TAFA2: variants seen among roughly 807,000 people sequenced by gnomAD.
TAFA2 encodes the protein TAFA chemokine like family member 2, also known as chemokine-like protein TAFA-2.
A neutral mutation model predicts 18.8 loss-of-function variants in TAFA2; 7 were observed. The observed-to-expected ratio is 0.37, with a 90% CI of 0.21 to 0.70. TAFA2 has a LOEUF of 0.70. TAFA2 is among the 30% of genes least tolerant of loss of function. TAFA2 has a pLI of 0.53. For missense variants in TAFA2, 122 were observed against 158.1 expected (o/e 0.77, Z 1.23); for synonymous variants, 60 against 54.2 (o/e 1.11, Z -0.47).
At chr12:62,258,806 C>T in exon 1 of TAFA2, 1 of 334,342 alleles carries the variant, frequency 3.0e-6, no homozygotes, top group South Asian at 2.1e-5. Flanking sequence ...CTGCAGCTTC[C>T]CTTCAGAAAA....
intron 1 of TAFA2, among the ~76,000 whole-genome samples, chr12:61,941,461 G>C (rs1009935135): frequency 6.6e-6 from 1 of 152,168 alleles, no homozygotes; most frequent in African/African-American, 2.4e-5. Context: ...CAAGATGGCC[G>C]AATAGGAACA....
intron 1 of TAFA2, among the ~76,000 whole-genome samples, chr12:62,074,249 A>G (rs1882704830): frequency 6.6e-6 from 1 of 152,248 alleles, no homozygotes; most frequent in East Asian, 1.9e-4. Flanking sequence ...TCCAGCCAGC[A>G]TGACTGCACA....
intron 1 of TAFA2, among the ~76,000 whole-genome samples, chr12:62,152,594 G>GTGTT (rs1015226806): frequency 6.6e-6 from 1 of 152,148 alleles, no homozygotes; most frequent in African/African-American, 2.4e-5. Context: ...TTAAAGATGT[G>GTGTT]TGTTATGCTA....
chr12:61,980,557 C>T (rs1879595972), intron 1 of TAFA2, among the ~76,000 whole-genome samples: 1 of 152,150 alleles, frequency 6.6e-6, no homozygotes, highest in African/African-American at 2.4e-5. Flanking sequence ...TTTAGAAAAA[C>T]CCATCGTCTC....
At chr12:61,975,994 G>A (rs1311376642) in intron 1 of TAFA2, among the ~76,000 whole-genome samples, 4 of 151,664 alleles carry the variant, frequency 2.6e-5, no homozygotes, top group Non-Finnish European at 4.4e-5. Context: ...ACATCACATG[G>A]TACACCTTAA....
At chr12:61,883,256 G>T (rs1284622498) in intron 1 of TAFA2, among the ~76,000 whole-genome samples, 1 of 152,102 alleles carries the variant, frequency 6.6e-6, no homozygotes, top group Admixed American at 6.6e-5. Flanking sequence ...ATAAAGAAAA[G>T]AATATAATGG....
chr12:61,794,883 G>GA (rs1465673033), intron 2 of TAFA2, among the ~76,000 whole-genome samples: 1 of 151,792 alleles, frequency 6.6e-6, no homozygotes, highest in South Asian at 2.1e-4. Flanking sequence ...ATATTTACAA[G>GA]AAAAAAACAA....
At chr12:61,978,024 C>T (rs1879499253) in intron 1 of TAFA2, among the ~76,000 whole-genome samples, 1 of 151,974 alleles carries the variant, frequency 6.6e-6, no homozygotes, top group Non-Finnish European at 1.5e-5. Flanking sequence ...ACAATAGTGA[C>T]CATGATGAAG....
At chr12:61,836,995 GT>G (rs914365305) in intron 2 of TAFA2, among the ~76,000 whole-genome samples, 22 of 151,236 alleles carry the variant, frequency 1.5e-4, no homozygotes, top group Non-Finnish European at 2.5e-4. Flanking sequence ...TATTTATAAT[GT>G]TTTTTAAGTG....
intron 1 of TAFA2, among the ~76,000 whole-genome samples, chr12:61,958,048 G>T (rs1878757752): frequency 6.6e-6 from 1 of 151,974 alleles, no homozygotes; most frequent in Non-Finnish European, 1.5e-5. Context: ...TAGCAACCTG[G>T]TGTGTTTCCT....
chr12:62,161,598 G>T (rs975265064), intron 1 of TAFA2, among the ~76,000 whole-genome samples: 1 of 152,164 alleles, frequency 6.6e-6, no homozygotes, highest in East Asian at 1.9e-4. Context: ...AATGGGTGCA[G>T]TGTAGGTTAT....
chr12:62,020,271 A>G (rs9668399), intron 1 of TAFA2, among the ~76,000 whole-genome samples: 53,719 of 151,928 alleles, frequency 0.35, 9,872 homozygotes, highest in Non-Finnish European at 0.39. Context: ...CCACACTAGT[A>G]TTATCATACC....
intron 2 of TAFA2, among the ~76,000 whole-genome samples, chr12:61,774,621 G>T (rs1179565857): frequency 6.6e-6 from 1 of 151,572 alleles, no homozygotes; most frequent in Non-Finnish European, 1.5e-5. Context: ...TAAGTTATGA[G>T]GACACAAGGG....
At chr12:62,203,705 C>CA (rs2062680997) in intron 1 of TAFA2, among the ~76,000 whole-genome samples, 1 of 152,152 alleles carries the variant, frequency 6.6e-6, no homozygotes, top group Non-Finnish European at 1.5e-5. Context: ...TCCTCCATCC[C>CA]TTTATTTTGA....
In TAFA2 at chr12:61,708,376, A is replaced by G. The variant is rs1869239430; in HGVS notation, c.*2030T>C. On this transcript the variant is annotated 3_prime_UTR_variant, in exon 5 of 5. Transcript: ENST00000416284. ...ATTTGAAATTCCATGTTTTTTTTCT[A>G]TTATATGCATGTATTACACTTGTAT... 6.6e-6 allele frequency: 1 copy of G among 152,018 alleles called. No homozygotes were observed. The highest frequency in any genetic ancestry group is 2.4e-5 in the African/African-American group (1 of 41,424). 9.4% of individuals were successfully genotyped at this position (152,018 alleles called of 1,614,324 possible). A position where few individuals can be genotyped will look rare whatever the true frequency, so the allele number is the denominator to read the frequency against.
At chr12:61,910,096 GTGTT>G (rs1453740680) in intron 1 of TAFA2, among the ~76,000 whole-genome samples, 16 of 84,718 alleles carry the variant, frequency 1.9e-4, no homozygotes, top group South Asian at 1.2e-3. Flanking sequence ...GTGTGTGTGT[GTGTT>G]TGTGTGTGTG....
intron 1 of TAFA2, among the ~76,000 whole-genome samples, chr12:61,885,075 C>A (rs1007391980): frequency 1.1e-4 from 17 of 151,552 alleles, no homozygotes; most frequent in African/African-American, 4.1e-4. Flanking sequence ...AATATTTTCA[C>A]AGTCATAATT....
At chr12:61,824,266 G>A (rs914316029) in intron 2 of TAFA2, among the ~76,000 whole-genome samples, 2 of 152,138 alleles carry the variant, frequency 1.3e-5, no homozygotes, top group Non-Finnish European at 2.9e-5. Flanking sequence ...CAGCCAACAT[G>A]TGAGTTGCAG....
chr12:61,841,286 C>T (rs1873162914), intron 2 of TAFA2, among the ~76,000 whole-genome samples: 2 of 152,114 alleles, frequency 1.3e-5, no homozygotes, highest in Non-Finnish European at 1.5e-5. Flanking sequence ...CTTCTACTCA[C>T]CCCTGCCTCA....
Sources: allele counts gnomAD v4.1 joint callset (sites outside exome capture counted in the v4.1 genomes callset), GRCh38; gene constraint gnomAD v4.1.1; transcripts MANE v1.5; gene names NCBI Gene and HGNC (gene_info 2026-07-23, HGNC 2026-07-21).